The following GPC5 variants were observed in gnomAD, a reference collection of about 807,000 sequenced individuals.
GPC5 encodes glypican-5.
GPC5 carries 47 observed loss-of-function variants against 53.9 expected under a neutral mutation model. The ratio of observed to expected loss-of-function variants is 0.87; its 90% CI spans 0.69 to 1.11. The LOEUF is 1.11. Among genes scored for constraint, GPC5 ranks in the 50% most tolerant of loss-of-function variants. GPC5 has a pLI of 0.00. For synonymous variants in GPC5, 286 were observed against 263.3 expected, an observed-to-expected ratio of 1.09 and a Z score of -0.84; for missense variants, 748 against 713.1, an observed-to-expected ratio of 1.05 and a Z score of -0.56.
intron 7 of GPC5, among the ~76,000 whole-genome samples, chr13:92,663,856 C>CTATATATATA (rs201565650): frequency 3.3e-4 from 29 of 88,354 alleles, no homozygotes; most frequent in South Asian, 6.9e-4. Flanking sequence ...CACACACACA[C>CTATATATATA]TATATATATA....
intron 7 of GPC5, among the ~76,000 whole-genome samples, chr13:92,513,129 C>T (rs1038597500): frequency 3.3e-5 from 5 of 152,140 alleles, no homozygotes; most frequent in Non-Finnish European, 5.9e-5. Flanking sequence ...GATGGGAAGA[C>T]GTATTGTTCG....
At chr13:92,373,388 TTC>T (rs1185247301) in intron 7 of GPC5, among the ~76,000 whole-genome samples, 1 of 152,236 alleles carries the variant, frequency 6.6e-6, no homozygotes, top group African/African-American at 2.4e-5. Context: ...TAGATTCATG[TTC>T]TCTCTGTAGA....
chr13:91,789,234 A>G (rs192367736), intron 5 of GPC5, among the ~76,000 whole-genome samples: 1 of 152,144 alleles, frequency 6.6e-6, no homozygotes, highest in African/African-American at 2.4e-5. Flanking sequence ...AAAAAAAGAA[A>G]TCTTACTTTT....
At chr13:92,036,890 TA>T (rs2040897601) in intron 6 of GPC5, among the ~76,000 whole-genome samples, 3 of 152,186 alleles carry the variant, frequency 2.0e-5, no homozygotes, top group Non-Finnish European at 4.4e-5. Flanking sequence ...ACTCTTCCTA[TA>T]GTGATCTAGT....
intron 7 of GPC5, among the ~76,000 whole-genome samples, chr13:92,421,325 C>T (rs1235338367): frequency 6.6e-6 from 1 of 152,144 alleles, no homozygotes; most frequent in Non-Finnish European, 1.5e-5. Flanking sequence ...TGTCACAAAT[C>T]AGACGGGAGA....
chr13:92,713,385 G>A (rs1483211956), intron 7 of GPC5, among the ~76,000 whole-genome samples: 2 of 148,776 alleles, frequency 1.3e-5, no homozygotes, highest in Admixed American at 6.7e-5. Context: ...GAGGTCAGGA[G>A]ATCGAGACCA....
chr13:91,949,117 A>G (rs1334477891), intron 6 of GPC5, among the ~76,000 whole-genome samples: 4 of 152,172 alleles, frequency 2.6e-5, no homozygotes, highest in Non-Finnish European at 5.9e-5. Context: ...CTGATGTTTT[A>G]TCTTTGAAAT....
At chr13:92,654,122 AG>A (rs962352524) in intron 7 of GPC5, among the ~76,000 whole-genome samples, 3 of 152,356 alleles carry the variant, frequency 2.0e-5, no homozygotes, top group Admixed American at 2.0e-4. Context: ...AAATTATTCC[AG>A]GATTGCACTT....
chr13:91,529,459 T>C (rs898170724), intron 2 of GPC5, among the ~76,000 whole-genome samples: 3 of 152,210 alleles, frequency 2.0e-5, no homozygotes, highest in Non-Finnish European at 4.4e-5. Context: ...TCCAGCTTTA[T>C]GCTCCGAAGA....
At chr13:92,282,528 A>G (rs1408593729) in intron 7 of GPC5, among the ~76,000 whole-genome samples, 1 of 152,194 alleles carries the variant, frequency 6.6e-6, no homozygotes, top group Admixed American at 6.5e-5. Context: ...AGGGAACCTC[A>G]ACAGACTAAC....
intron 2 of GPC5, among the ~76,000 whole-genome samples, chr13:91,597,057 C>A (rs1455438752): frequency 2.0e-5 from 3 of 152,188 alleles, no homozygotes; most frequent in East Asian, 3.9e-4. Context: ...CTGCCCACTG[C>A]AAGGCCTGGA....
At chr13:92,116,206 A>G (rs1431459399) in intron 6 of GPC5, among the ~76,000 whole-genome samples, 10 of 152,048 alleles carry the variant, frequency 6.6e-5, no homozygotes, top group Non-Finnish European at 1.5e-5. Flanking sequence ...CCATGATTGT[A>G]CCACTGAATC....
intron 5 of GPC5, among the ~76,000 whole-genome samples, chr13:91,883,646 G>A (rs2039291003): frequency 6.6e-6 from 1 of 152,148 alleles, no homozygotes; most frequent in Admixed American, 6.5e-5. Context: ...GTGAGGAAGG[G>A]GAAGAGTATT....
intron 7 of GPC5, among the ~76,000 whole-genome samples, chr13:92,435,025 C>T (rs1002853468): frequency 6.6e-6 from 1 of 152,188 alleles, no homozygotes; most frequent in Non-Finnish European, 1.5e-5. Context: ...AGCGATTCTT[C>T]TGTCTCATCC....
At chr13:92,096,896 G>T (rs2041426498) in intron 6 of GPC5, among the ~76,000 whole-genome samples, 1 of 152,152 alleles carries the variant, frequency 6.6e-6, no homozygotes, top group African/African-American at 2.4e-5. Flanking sequence ...GGCCAAGGAT[G>T]GAAGAACTTT....
At chr13:91,519,217 T>C (rs993760741) in intron 2 of GPC5, among the ~76,000 whole-genome samples, 2 of 152,244 alleles carry the variant, frequency 1.3e-5, no homozygotes, top group African/African-American at 4.8e-5. Context: ...ACCTTATGCC[T>C]CTATTTATTC....
intron 7 of GPC5, among the ~76,000 whole-genome samples, chr13:92,547,956 A>G (rs949554010): frequency 6.0e-5 from 9 of 149,168 alleles, no homozygotes; most frequent in South Asian, 4.3e-4. Flanking sequence ...CAGCCTCCCG[A>G]GGAGCTGGGA....
intron 6 of GPC5, among the ~76,000 whole-genome samples, chr13:91,961,035 C>A (rs2040120929): frequency 6.6e-6 from 1 of 150,910 alleles, no homozygotes; most frequent in African/African-American, 2.4e-5. Context: ...GAAAAATAGA[C>A]AAATGGAGCT....
intron 7 of GPC5, among the ~76,000 whole-genome samples, chr13:92,839,771 A>T (rs1878358304): frequency 6.6e-6 from 1 of 152,054 alleles, no homozygotes; most frequent in African/African-American, 2.4e-5. Context: ...AAGAGAGACT[A>T]CTCAAATAAA....
Sources: allele counts gnomAD v4.1 joint callset (sites outside exome capture counted in the v4.1 genomes callset), GRCh38; gene constraint gnomAD v4.1.1; transcripts MANE v1.5; gene names NCBI Gene and HGNC (gene_info 2026-07-23, HGNC 2026-07-21).